Variants in CTNNA3 observed in about 807,000 individuals in gnomAD.
CTNNA3 encodes the protein catenin alpha 3.
CTNNA3 carries 76 observed loss-of-function variants against 95.7 expected under a neutral mutation model. The ratio of observed to expected loss-of-function variants is 0.79; its 90% CI spans 0.66 to 0.96. The LOEUF (loss-of-function observed/expected upper bound fraction) is 0.96, where lower values mean the gene tolerates loss of function less well. CTNNA3 is among the 40% of genes least tolerant of loss of function. CTNNA3 has a pLI of 0.00. For synonymous variants in CTNNA3, 431 were observed against 374.4 expected (o/e 1.15, Z -1.74); for missense variants, 1,191 against 1,089.8 (o/e 1.09, Z -1.31).
chr10:66,530,927 G>A (rs1841444123), intron 10 of CTNNA3, among the ~76,000 whole-genome samples: 1 of 152,114 alleles, frequency 6.6e-6, no homozygotes, highest in Non-Finnish European at 1.5e-5. Flanking sequence ...GTATATGCCA[G>A]TATAAATTTT....
chr10:66,048,634 GCCTGTAGT>G (rs2079881778), intron 15 of CTNNA3, among the ~76,000 whole-genome samples: 1 of 152,104 alleles, frequency 6.6e-6, no homozygotes, highest in Non-Finnish European at 1.5e-5. Context: ...GCTGGTGGGT[GCCTGTAGT>G]CCCAGCTACT....
chr10:67,268,411 A>T (rs1866921605), intron 5 of CTNNA3, among the ~76,000 whole-genome samples: 1 of 152,050 alleles, frequency 6.6e-6, no homozygotes, highest in African/African-American at 2.4e-5. Context: ...AGTGCCAGCT[A>T]CTTGGCCACT....
In CTNNA3 at chr10:66,841,979, A is replaced by T. The variant is rs184637132; in HGVS notation, c.1048-66455T>A. Among the ~76,000 whole-genome samples the T allele has an allele frequency of 2.3e-3, 343 of 152,228 alleles. 8 individuals carry two copies. In the East Asian group the frequency reaches 0.029, roughly 13 times the overall value. On this transcript the variant is annotated intron_variant, in intron 7 of 17. Coordinates refer to ENST00000433211, the MANE Select transcript of CTNNA3 (RefSeq NM_013266.4). ...TCCTGATACAGGGTCTCACTCTGTC[A>T]CTAAGGCTGGAGTGCAGAGGCTGCT...
chr10:67,031,778 T>A (rs1036486153), intron 7 of CTNNA3, among the ~76,000 whole-genome samples: 12 of 152,206 alleles, frequency 7.9e-5, no homozygotes, highest in Non-Finnish European at 1.2e-4. Context: ...AGAATTACTC[T>A]GTTCTTAGAG....
chr10:67,054,208 T>A (rs1455654552), intron 7 of CTNNA3, among the ~76,000 whole-genome samples: 1 of 152,000 alleles, frequency 6.6e-6, no homozygotes, highest in African/African-American at 2.4e-5. Context: ...AAAAAAACTT[T>A]ATAAATAAAA....
chr10:66,621,097 A>G (rs541334210), intron 10 of CTNNA3, among the ~76,000 whole-genome samples: 2 of 152,280 alleles, frequency 1.3e-5, no homozygotes, highest in Admixed American at 1.3e-4. Context: ...CGACAAGAAA[A>G]TATTTCTTAA....
chr10:67,726,626 T>TGA (rs1564841363), intron 1 of CTNNA3, among the ~76,000 whole-genome samples: 2 of 4,884 alleles, frequency 4.1e-4, no homozygotes, highest in African/African-American at 7.3e-4. Flanking sequence ...ATAATATATA[T>TGA]TATATTATAT....
intron 5 of CTNNA3, among the ~76,000 whole-genome samples, chr10:67,517,898 C>T (rs1330719364): frequency 1.3e-5 from 2 of 152,096 alleles, no homozygotes; most frequent in East Asian, 3.9e-4. Context: ...AAATAAAGAA[C>T]ATATCCATAT....
chr10:67,029,917 G>C (rs1306486062), intron 7 of CTNNA3, among the ~76,000 whole-genome samples: 1 of 152,194 alleles, frequency 6.6e-6, no homozygotes, highest in East Asian at 1.9e-4. Flanking sequence ...ATATAGAACA[G>C]CCCCATGGCT....
At chr10:66,602,031 C>CT (rs551456565) in intron 10 of CTNNA3, among the ~76,000 whole-genome samples, 68 of 152,024 alleles carry the variant, frequency 4.5e-4, no homozygotes, top group African/African-American at 1.6e-3. Context: ...AGTGCAGAGA[C>CT]TTTCAGTTAT....
At chr10:65,951,617 C>A (rs912791390) in intron 17 of CTNNA3, among the ~76,000 whole-genome samples, 8 of 152,020 alleles carry the variant, frequency 5.3e-5, no homozygotes, top group African/African-American at 1.9e-4. Context: ...GCTAATACCA[C>A]CCACTCCTCT....
At chr10:66,969,079 T>G (rs1472337512) in intron 7 of CTNNA3, among the ~76,000 whole-genome samples, 1 of 151,948 alleles carries the variant, frequency 6.6e-6, no homozygotes, top group Non-Finnish European at 1.5e-5. Flanking sequence ...TATGAGCTAT[T>G]TCTTTTAAAA....
At chr10:66,071,761 T>A (rs529036188) in intron 14 of CTNNA3, among the ~76,000 whole-genome samples, 1 of 152,274 alleles carries the variant, frequency 6.6e-6, no homozygotes, top group East Asian at 1.9e-4. Flanking sequence ...TCAAATGATA[T>A]GCAAGAACAC....
intron 7 of CTNNA3, among the ~76,000 whole-genome samples, chr10:67,135,704 T>G (rs1460797867): frequency 1.3e-5 from 2 of 151,874 alleles, no homozygotes; most frequent in Admixed American, 6.6e-5. Context: ...AACCAATGGA[T>G]GTACATGTTT....
chr10:65,958,819 C>A (rs962773432), intron 17 of CTNNA3, among the ~76,000 whole-genome samples: 22 of 152,278 alleles, frequency 1.4e-4, no homozygotes, highest in African/African-American at 5.1e-4. Context: ...AGGTGTCTCC[C>A]AGTTAGGCTA....
intron 5 of CTNNA3, among the ~76,000 whole-genome samples, chr10:67,475,868 C>T (rs188082617): frequency 1.4e-4 from 22 of 152,038 alleles, no homozygotes; most frequent in Non-Finnish European, 2.5e-4. Flanking sequence ...AAATCACTAT[C>T]GTTTCTTTAG....
At chr10:66,856,125 C>T (rs1312104095) in intron 7 of CTNNA3, among the ~76,000 whole-genome samples, 3 of 151,840 alleles carry the variant, frequency 2.0e-5, no homozygotes, top group Admixed American at 6.6e-5. Flanking sequence ...TCATTCTGTC[C>T]GTATGTCTGT....
At chr10:67,745,694 A>T (rs1466158500) in intron 1 of CTNNA3, among the ~76,000 whole-genome samples, 1 of 152,156 alleles carries the variant, frequency 6.6e-6, no homozygotes, top group African/African-American at 2.4e-5. Context: ...TCCATGAAAA[A>T]AACTGTTAGA....
intron 7 of CTNNA3, among the ~76,000 whole-genome samples, chr10:66,932,379 C>T (rs1797466486): frequency 1.3e-5 from 2 of 152,130 alleles, no homozygotes; most frequent in Admixed American, 1.3e-4. Context: ...AGCATCAGGT[C>T]ATGAAGCCTG....
Sources: allele counts gnomAD v4.1 joint callset (sites outside exome capture counted in the v4.1 genomes callset), GRCh38; gene constraint gnomAD v4.1.1; transcripts MANE v1.5; gene names NCBI Gene and HGNC (gene_info 2026-07-23, HGNC 2026-07-21).